SLC2A3: variants seen among roughly 807,000 people sequenced by gnomAD.
SLC2A3 encodes solute carrier family 2 member 3, also known as solute carrier family 2, facilitated glucose transporter member 3.
A neutral mutation model predicts 46.4 loss-of-function variants in SLC2A3; 21 were observed. The ratio of observed to expected loss-of-function variants is 0.45; its 90% CI spans 0.32 to 0.65. SLC2A3 has a LOEUF of 0.65. Among genes scored for constraint, SLC2A3 ranks in the 30% least tolerant of loss-of-function variants. The probability of loss-of-function intolerance (pLI) is 0.04; values close to 1 mark genes in which losing one functional copy is unlikely to be tolerated. For synonymous variants in SLC2A3, 213 were observed against 239.4 expected (o/e 0.89, Z 1.02); for missense variants, 499 against 623.3 (o/e 0.80, Z 2.12).
At chr12:7,928,435 G>A (rs1368557955) in intron 6 of SLC2A3, among the ~76,000 whole-genome samples, 1 of 151,982 alleles carries the variant, frequency 6.6e-6, no homozygotes, top group Non-Finnish European at 1.5e-5. Context: ...CTCTGAAATG[G>A]CAGGAGTCTG....
rs1946141764 is a variant in SLC2A3 at position 7,930,597 on chromosome 12, G to C, written c.556C>G (p.Leu186Val). 1 of 1,613,898 alleles carries C rather than the reference G, an allele frequency of 6.2e-7. No individual in the cohort carries two copies. The highest frequency in any genetic ancestry group is 1.3e-5 in the African/African-American group (1 of 74,992). ...GGAAGGATGGTAAAACCCAGTAGCA[G>C]CGGCCATAGCTCTTCAGACCCAAGG... ...FILGSEELWPLLLGFTILPAI... is the reference protein window; with the variant it reads ...FILGSEELWPVLLGFTILPAI... Residue 186 changes from leucine to valine, a missense_variant, in exon 5 of 10, where the codon CTG (leucine) becomes GTG (valine). Leu to Val is a conservative substitution (Grantham distance 32). Transcript: ENST00000075120.
rs747592729 is a variant in SLC2A3, at chr12:7,933,077, G to A, written c.179C>T (p.Thr60Met). ...GGCCACAGACAAGGACCAGAGAGAC[G>A]TGAGCAGCACCTCAGAGGGTGGGGC... ...GNAPPSEVLL[T>M]SLWSLSVAIF... Residue 60 changes from threonine to methionine, a missense_variant, in exon 3 of 10, where the codon ACG becomes ATG. This residue lies in a region of SLC2A3 where 248 missense variants were observed against 284.0 expected (regional missense o/e 0.87). Transcript: ENST00000075120. 2.5e-6 allele frequency: 4 copies of A among 1,614,026 alleles called. No homozygotes were observed. Among genetic ancestry groups the A allele is most frequent in the Non-Finnish European group, 3.4e-6 (4 of 1,180,040 alleles).
intron 9 of SLC2A3, 152 bp from the exon 10 acceptor site, chr12:7,921,783 A>G: frequency 1.2e-6 from 1 of 869,232 alleles, no homozygotes; most frequent in South Asian, 1.8e-5. Flanking sequence ...TTATGATTCC[A>G]TTGCTAACTT....
At chr12:7,930,731 T>C in intron 4 of SLC2A3, 89 bp from the exon 5 acceptor site, 6 of 1,356,344 alleles carry the variant, frequency 4.4e-6, no homozygotes, top group Non-Finnish European at 6.0e-6. Context: ...AAATCATACA[T>C]TCTTTTACCA....
Position 7,933,819 on chromosome 12 carries a change from A to G in SLC2A3, c.99T>C (p.Ala33=). ...QFGYNTGVIN[A]PEKIIKEFIN... ...GTGGCCTGGCACTCACCTTCTCAGG[A>G]GCATTGATGACCCCAGTGTTGTAGC... Residue 33 remains alanine (A), a synonymous_variant, in exon 2 of 10, where the codon GCT becomes GCC. Coordinates refer to ENST00000075120, the MANE Select transcript of SLC2A3 (RefSeq NM_006931.3). 6.2e-7 allele frequency: 1 copy of G among 1,613,466 alleles called. No homozygotes were observed. The highest frequency in any genetic ancestry group is 8.5e-7 in the Non-Finnish European group (1 of 1,179,558).
chr12:7,936,116 A>C lies in SLC2A3; in HGVS notation c.-82T>G. ...TTTTTCAGCCAACAAAACCTTCAAA[A>C]TGTCCTTCTCAGCAGCAAGTTTTCT... On this transcript the variant is annotated 5_prime_UTR_variant, in exon 1 of 10. Transcript: ENST00000075120. The C allele has an allele frequency of 8.2e-7, 1 of 1,219,510 alleles. No individual in the cohort carries two copies. Among genetic ancestry groups the C allele is most frequent in the Non-Finnish European group, 1.2e-6 (1 of 822,350 alleles). 75.5% of individuals were successfully genotyped at this position (1,219,510 alleles called of 1,614,324 possible). A position where few individuals can be genotyped will look rare whatever the true frequency, so the allele number is the denominator to read the frequency against.
At chr12:7,925,508 T>C in intron 7 of SLC2A3, 1 of 202,514 alleles carries the variant, frequency 4.9e-6, no homozygotes, top group South Asian at 8.5e-5. Flanking sequence ...AATTCTCACA[T>C]ATTCTGGGGA....
intron 1 of SLC2A3, among the ~76,000 whole-genome samples, chr12:7,934,752 G>A (rs192530904): frequency 4.0e-5 from 6 of 151,554 alleles, no homozygotes; most frequent in East Asian, 3.9e-4. Flanking sequence ...CTTTCAGGTC[G>A]GGCAGATTAG....
rs1391182720 is a variant in SLC2A3 at position 7,933,074 on chromosome 12, G to T, written c.182C>A (p.Ser61Tyr). The change falls in exon 3 of 10, where the codon TCT becomes TAT. Residue 61 changes from serine to tyrosine, a missense_variant. Physicochemically the swap from Ser to Tyr is moderately radical, Grantham distance 144. This residue lies in a region of SLC2A3 where 248 missense variants were observed against 284.0 expected (regional missense o/e 0.87). Coordinates refer to ENST00000075120, the MANE Select transcript of SLC2A3 (RefSeq NM_006931.3). ...TATGGCCACAGACAAGGACCAGAGA[G>T]ACGTGAGCAGCACCTCAGAGGGTGG... ...NAPPSEVLLTSLWSLSVAIFS... is the reference protein window; with the variant it reads ...NAPPSEVLLTYLWSLSVAIFS... The T allele has an allele frequency of 1.2e-5, 19 of 1,614,024 alleles. No homozygotes were observed. Among genetic ancestry groups the T allele is most frequent in the African/African-American group, 5.3e-5 (4 of 74,902 alleles).
chr12:7,926,270 A>G (rs764344595), intron 6 of SLC2A3, among the ~76,000 whole-genome samples: 1 of 151,978 alleles, frequency 6.6e-6, no homozygotes, highest in East Asian at 1.9e-4. Context: ...TTTGTAGTTT[A>G]AGTAGAGATG....
chr12:7,929,697 G>A lies in SLC2A3; in HGVS notation c.848C>T (p.Ser283Phe). 1.9e-6 allele frequency: 3 copies of A among 1,613,324 alleles called. No individual in the cohort carries two copies. The highest frequency in any genetic ancestry group is 2.5e-6 in the Non-Finnish European group (3 of 1,179,562). Reference protein sequence around the residue: ...SIVLQLSQQLSGINAVFYYST... With the variant: ...SIVLQLSQQLFGINAVFYYST... ...TATCACACTCACAGCATTGATCCCA[G>A]AGAGCTGCTGAGAGAGCTGGAGCAC... The change falls in exon 6 of 10, where the codon TCT becomes TTT. Residue 283 changes from serine to phenylalanine, a missense_variant. Coordinates refer to ENST00000075120, the MANE Select transcript of SLC2A3 (RefSeq NM_006931.3).
intron 4 of SLC2A3, 100 bp from the exon 5 acceptor site, chr12:7,930,742 T>G: frequency 7.8e-7 from 1 of 1,282,774 alleles, no homozygotes; most frequent in Non-Finnish European, 1.1e-6. Context: ...TCTTTTACCA[T>G]GTGAAAAAAT....
intron 6 of SLC2A3, among the ~76,000 whole-genome samples, chr12:7,929,016 A>G (rs1005236321): frequency 2.0e-5 from 3 of 152,058 alleles, no homozygotes; most frequent in African/African-American, 7.2e-5. Flanking sequence ...TGCCACTTCA[A>G]ATACAAATAT....
At chr12:7,926,248 A>G (rs1946093846) in intron 6 of SLC2A3, among the ~76,000 whole-genome samples, 1 of 151,994 alleles carries the variant, frequency 6.6e-6, no homozygotes, top group Admixed American at 6.6e-5. Flanking sequence ...CTGCAACCAC[A>G]CGCAGCTAAT....
At chr12:7,935,475 C>T (rs962776300) in intron 1 of SLC2A3, among the ~76,000 whole-genome samples, 8 of 152,126 alleles carry the variant, frequency 5.3e-5, no homozygotes, top group African/African-American at 1.9e-4. Context: ...AGCCTTTCTC[C>T]CTGCAAATAA....
chr12:7,922,381 G>C (rs901003123), intron 9 of SLC2A3, among the ~76,000 whole-genome samples: 2 of 151,932 alleles, frequency 1.3e-5, no homozygotes, highest in African/African-American at 4.8e-5. Context: ...TAAACTTTAT[G>C]AATTATTTAT....
chr12:7,931,062 C>T (rs1342340399), intron 4 of SLC2A3, among the ~76,000 whole-genome samples, 183 bp downstream of exon 4: 13 of 152,092 alleles, frequency 8.5e-5, no homozygotes, highest in Admixed American at 7.9e-4. Flanking sequence ...TCCCAAAGTG[C>T]TGGGATTACA....
chr12:7,929,467 CT>C (rs1946129972), intron 6 of SLC2A3: 5 of 618,894 alleles, frequency 8.1e-6, no homozygotes, highest in Non-Finnish European at 1.3e-5. Context: ...TTTTTTTTTC[CT>C]TTTTTTAAAT....
rs1273181047 is a variant in SLC2A3 at position 7,931,421 on chromosome 12, T to C, written c.334A>G (p.Lys112Glu). 3.7e-6 allele frequency: 6 copies of C among 1,614,042 alleles called. No homozygotes were observed. Among genetic ancestry groups the C allele is most frequent in the Non-Finnish European group, 5.1e-6 (6 of 1,180,032 alleles). The change falls in exon 4 of 10, where the codon AAA becomes GAA. Residue 112 changes from lysine (K) to glutamate (E), a missense_variant. By Grantham distance (56) the Lys-to-Glu change is moderately conservative. Around this residue, in one of 5 missense-constraint regions of SLC2A3, gnomAD observed 248 missense variants for 284.0 expected, o/e 0.87. Coordinates refer to ENST00000075120, the MANE Select transcript of SLC2A3 (RefSeq NM_006931.3). ...VTGGCFMGLCKVAKSVEMLIL... is the reference protein window; with the variant it reads ...VTGGCFMGLCEVAKSVEMLIL... ...AGCATTTCAACCGACTTAGCTACTT[T>C]ACACAGTCCCATAAAGCAGCCACCA...
Sources: allele counts gnomAD v4.1 joint callset (sites outside exome capture counted in the v4.1 genomes callset), GRCh38; gene constraint gnomAD v4.1.1; regional missense constraint gnomAD v4.1.1; transcripts MANE v1.5; gene names NCBI Gene and HGNC (gene_info 2026-07-23, HGNC 2026-07-21).